ARHGAP15: variants seen among roughly 807,000 people sequenced by gnomAD.
The protein encoded by ARHGAP15 is Rho GTPase activating protein 15.
Under a neutral mutation model 63.7 loss-of-function variants are expected in ARHGAP15, and 51 were observed. The observed-to-expected ratio is 0.80, with a 90% CI of 0.64 to 1.01. The LOEUF (loss-of-function observed/expected upper bound fraction) is 1.01, where lower values mean the gene tolerates loss of function less well. Ranked by LOEUF, ARHGAP15 falls within the 50% of genes least tolerant of loss-of-function variation. The pLI is 0.00. For synonymous variants in ARHGAP15, 191 were observed against 193.8 expected, an observed-to-expected ratio of 0.99 and a Z score of 0.12; for missense variants, 560 against 564.6, an observed-to-expected ratio of 0.99 and a Z score of 0.08.
chr2:143,176,522 T>C (rs1032942007), intron 2 of ARHGAP15, among the ~76,000 whole-genome samples: 19 of 152,172 alleles, frequency 1.2e-4, no homozygotes, highest in Non-Finnish European at 2.9e-5. Flanking sequence ...ATCTTCTTTC[T>C]TTTGTCTTCT....
At chr2:143,400,673 C>T (rs966240876) in intron 6 of ARHGAP15, among the ~76,000 whole-genome samples, 2 of 151,884 alleles carry the variant, frequency 1.3e-5, no homozygotes, top group Non-Finnish European at 2.9e-5. Flanking sequence ...TTAGGAAATA[C>T]GTTGACTGTG....
At chr2:143,317,686 G>A (rs1207031508) in intron 6 of ARHGAP15, among the ~76,000 whole-genome samples, 1 of 152,150 alleles carries the variant, frequency 6.6e-6, no homozygotes, top group African/African-American at 2.4e-5. Flanking sequence ...ACTGTATTCT[G>A]TAGATAATAT....
intron 6 of ARHGAP15, among the ~76,000 whole-genome samples, chr2:143,263,695 C>T (rs1215501955): frequency 2.0e-5 from 3 of 152,032 alleles, no homozygotes; most frequent in Non-Finnish European, 4.4e-5. Context: ...CTAACATTTC[C>T]CAGGCTTCTT....
chr2:143,363,005 A>G (rs1686130675), intron 6 of ARHGAP15, among the ~76,000 whole-genome samples: 1 of 152,216 alleles, frequency 6.6e-6, no homozygotes, highest in Admixed American at 6.5e-5. Context: ...TGTGTAAATG[A>G]AGTCAAGCCA....
rs1682248887 is a variant in ARHGAP15 at position 143,667,167 on chromosome 2, A to G, written c.1139-36252A>G. ...TCACAATAGCAAAGACTTGGAACCA[A>G]CCCAAATGTCCAACAATGATAGACT... On this transcript the variant is annotated intron_variant, in intron 12 of 13. Coordinates refer to ENST00000295095, the MANE Select transcript of ARHGAP15 (RefSeq NM_018460.4). Among the ~76,000 whole-genome samples the G allele has an allele frequency of 9.3e-5, 14 of 149,914 alleles. No homozygotes were observed. The South Asian group carries it at 3.0e-3, about 32-fold the overall frequency.
At chr2:143,417,212 CAAT>C (rs1470444834) in intron 6 of ARHGAP15, among the ~76,000 whole-genome samples, 1 of 151,624 alleles carries the variant, frequency 6.6e-6, no homozygotes, top group African/African-American at 2.4e-5. Flanking sequence ...CTGCAGCCTA[CAAT>C]AATATGCTCA....
chr2:143,395,787 G>C (rs974548151), intron 6 of ARHGAP15, among the ~76,000 whole-genome samples: 1 of 152,060 alleles, frequency 6.6e-6, no homozygotes, highest in Admixed American at 6.6e-5. Flanking sequence ...GAATGAGAAA[G>C]ACAGAAAGGC....
At position 143,330,103 on chromosome 2, in the gene ARHGAP15, A is replaced by T. The variant is rs1277869496; in HGVS notation, c.474+79503A>T. 1.3e-4 allele frequency among the ~76,000 whole-genome samples: 10 copies of T among 77,070 alleles called. 3 individuals carry two copies. The Admixed American group carries it at 1.6e-3, about 13-fold the overall frequency. The allele number at this position is 77,070 out of a possible 152,430, so 50.6% of individuals were successfully genotyped here. On this transcript the variant is annotated intron_variant, in intron 6 of 13. Transcript: ENST00000295095. Reference sequence around the variant, plus strand: ...GAGCAAGGCTCTGTCTCAAAAAAAAAAAAAAAAAAAAAAAAAAAAAAAAAA... The same window carrying T: ...GAGCAAGGCTCTGTCTCAAAAAAAATAAAAAAAAAAAAAAAAAAAAAAAAA...
At chr2:143,275,989 A>G (rs1681527689) in intron 6 of ARHGAP15, among the ~76,000 whole-genome samples, 1 of 152,214 alleles carries the variant, frequency 6.6e-6, no homozygotes, top group Non-Finnish European at 1.5e-5. Context: ...CTTTCAAGTG[A>G]CAAGACAAAT....
intron 10 of ARHGAP15, among the ~76,000 whole-genome samples, chr2:143,533,078 A>G (rs1195054180): frequency 1.3e-5 from 2 of 152,178 alleles, no homozygotes; most frequent in Non-Finnish European, 1.5e-5. Flanking sequence ...CTAACACACA[A>G]TGACACATTA....
At chr2:143,447,009 T>G (rs1690173472) in intron 8 of ARHGAP15, among the ~76,000 whole-genome samples, 1 of 152,174 alleles carries the variant, frequency 6.6e-6, no homozygotes, top group South Asian at 2.1e-4. Flanking sequence ...TGCCACATTT[T>G]CTTAATCCAG....
At chr2:143,274,785 C>T (rs752836804) in intron 6 of ARHGAP15, among the ~76,000 whole-genome samples, 7 of 152,186 alleles carry the variant, frequency 4.6e-5, no homozygotes, top group Middle Eastern at 6.8e-3. Context: ...GACACCTTGC[C>T]CAACAGTCTT....
chr2:143,455,449 C>G (rs759013016), intron 8 of ARHGAP15, among the ~76,000 whole-genome samples: 1 of 152,040 alleles, frequency 6.6e-6, no homozygotes, highest in Non-Finnish European at 1.5e-5. Context: ...CTATCTCATC[C>G]TGTGACTAAG....
At chr2:143,148,951 C>T (rs1262777812) in intron 1 of ARHGAP15, among the ~76,000 whole-genome samples, 1 of 151,922 alleles carries the variant, frequency 6.6e-6, no homozygotes, top group African/African-American at 2.4e-5. Flanking sequence ...AATTGCAATG[C>T]GAGTTAATTA....
At chr2:143,498,468 C>T (rs1394840346) in intron 9 of ARHGAP15, among the ~76,000 whole-genome samples, 1 of 152,132 alleles carries the variant, frequency 6.6e-6, no homozygotes, top group African/African-American at 2.4e-5. Flanking sequence ...TTGAAATTGA[C>T]TATATTGCTG....
Position 143,245,678 on chromosome 2 carries a change from T to C in ARHGAP15, c.385-4833T>C, listed in dbSNP as rs538485515. Among the ~76,000 whole-genome samples, 7 of 152,226 alleles carry C rather than the reference T, an allele frequency of 4.6e-5. No homozygotes were observed. The East Asian group carries it at 9.7e-4, about 21-fold the overall frequency. On this transcript the variant is annotated intron_variant, in intron 5 of 13. Transcript: ENST00000295095. ...TTAGAGGCTGAAGGACACAATCTAT[T>C]TGAGGGGGAGAAAGTAGAACGAAAT...
chr2:143,706,218 C>A (rs191012156), intron 13 of ARHGAP15, among the ~76,000 whole-genome samples: 92 of 152,184 alleles, frequency 6.0e-4, no homozygotes, highest in African/African-American at 2.1e-3. Context: ...AACAGCCAAT[C>A]GTGGCGTGTC....
At chr2:143,319,369 C>T (rs1020127218) in intron 6 of ARHGAP15, among the ~76,000 whole-genome samples, 3 of 151,802 alleles carry the variant, frequency 2.0e-5, no homozygotes, top group East Asian at 1.9e-4. Context: ...GGATTACAGG[C>T]GCGCATCACC....
chr2:143,239,478 T>C (rs1346184780), intron 5 of ARHGAP15, among the ~76,000 whole-genome samples: 2 of 152,154 alleles, frequency 1.3e-5, no homozygotes, highest in African/African-American at 4.8e-5. Flanking sequence ...CCCTGGTAAG[T>C]ACTATTCTAC....
Sources: gnomAD v4.1 joint callset for allele counts (sites outside exome capture counted in the v4.1 genomes callset) on GRCh38, gnomAD v4.1.1 for gene constraint, MANE v1.5 for transcripts, NCBI Gene and HGNC (gene_info 2026-07-23, HGNC 2026-07-21) for gene names.